HUWE1: variants seen among roughly 807,000 people sequenced by gnomAD.
HUWE1 encodes HECT, UBA and WWE domain containing E3 ubiquitin protein ligase 1.
In HUWE1, 18 loss-of-function variants were observed where a neutral mutation model predicts 299.4. That is an observed-to-expected ratio of 0.06 (90% CI 0.04 to 0.09). The LOEUF (loss-of-function observed/expected upper bound fraction) is 0.09. Ranked by LOEUF, HUWE1 falls within the 10% of genes least tolerant of loss-of-function variation. The pLI is 1.00. For missense variants in HUWE1, 1,832 were observed against 3,462.3 expected, an observed-to-expected ratio of 0.53 and a Z score of 11.82; for synonymous variants, 1,317 against 1,286.1, an observed-to-expected ratio of 1.02 and a Z score of -0.51.
rs2064586553 is a variant in HUWE1, at chrX:53,597,914, A to G, written c.3163+2204T>C. On this transcript the variant is annotated intron_variant, in intron 29 of 83. Transcript: ENST00000262854. ...CATCATTGTCACAGAAAAAGCCATC[A>G]AGCCTGAAATAAATTCCTGTTGGAG... Among the ~76,000 whole-genome samples the G allele has an allele frequency of 1.8e-5, 2 of 111,599 alleles. 1 individual carries two copies. Among genetic ancestry groups the G allele is most frequent in the African/African-American group, 6.6e-5 (2 of 30,481 alleles).
intron 21 of HUWE1, among the ~76,000 whole-genome samples, chrX:53,616,373 C>A (rs1232300375): frequency 1.8e-5 from 2 of 111,619 alleles, no homozygotes; most frequent in Non-Finnish European, 1.9e-5. Flanking sequence ...GCACTCTACT[C>A]TGGCAATCTT....
At chrX:53,578,461 T>C (rs868956248) in intron 43 of HUWE1, among the ~76,000 whole-genome samples, 7 of 76,055 alleles carry the variant, frequency 9.2e-5, no homozygotes, top group Non-Finnish European at 1.5e-4. Flanking sequence ...GCCCGGCCAG[T>C]CGCCCCGTCC....
At chrX:53,663,141 G>C (rs1397058476) in intron 3 of HUWE1, among the ~76,000 whole-genome samples, 1 of 112,425 alleles carries the variant, frequency 8.9e-6, no homozygotes, top group Non-Finnish European at 1.9e-5. Flanking sequence ...CAGTGGGATG[G>C]AGGGAATGGA....
At chrX:53,550,095 G>C (rs1290304461) in intron 66 of HUWE1, among the ~76,000 whole-genome samples, 3 of 111,056 alleles carry the variant, frequency 2.7e-5, no homozygotes, top group Non-Finnish European at 5.7e-5. Flanking sequence ...GGCTCAAACA[G>C]GTTAAGTGAC....
intron 73 of HUWE1, 73 bp from the exon 74 acceptor site, chrX:53,542,612 C>G: frequency 1.4e-6 from 1 of 694,098 alleles, no homozygotes; most frequent in Non-Finnish European, 2.3e-6. Context: ...AGAGGTTGGC[C>G]CTTCCACTTC....
chrX:53,645,548 C>A, intron 6 of HUWE1, 85 bp from the exon 7 acceptor site: 1 of 939,731 alleles, frequency 1.1e-6, no homozygotes, highest in Non-Finnish European at 1.5e-6. Context: ...TCAACATTTA[C>A]AAAGCTATCA....
chrX:53,659,539 G>A (rs1178616717), intron 3 of HUWE1, among the ~76,000 whole-genome samples: 2 of 111,951 alleles, frequency 1.8e-5, no homozygotes, highest in East Asian at 5.6e-4. Flanking sequence ...GAGGGTTAGT[G>A]GGGAGGGAAG....
chrX:53,538,722 A>ACTCTCTCTCTCT (rs879987418), intron 76 of HUWE1, 113 bp downstream of exon 76: 51 of 439,928 alleles, frequency 1.2e-4, no homozygotes, highest in Non-Finnish European at 9.2e-5. Context: ...ACACACACAC[A>ACTCTCTCTCTCT]CACTCTCTCT....
At chrX:53,537,453 G>A in intron 78 of HUWE1, 103 bp downstream of exon 78, 1 of 848,430 alleles carries the variant, frequency 1.2e-6, no homozygotes, top group Non-Finnish European at 1.7e-6. Flanking sequence ...TCCTATTAGG[G>A]AGGGCAGCAC....
chrX:53,566,855 A>G (rs1556946416), intron 49 of HUWE1, among the ~76,000 whole-genome samples: 1 of 111,332 alleles, frequency 9.0e-6, no homozygotes. Flanking sequence ...AATTACATCA[A>G]TGTAGACTGT....
Position 53,538,903 on chromosome X carries a change from C to G in HUWE1, c.11810G>C (p.Arg3937Pro). 1 of 1,206,579 alleles carries G rather than the reference C, an allele frequency of 8.3e-7. No individual in the cohort carries two copies. The highest frequency in any genetic ancestry group is 1.1e-6 in the Non-Finnish European group (1 of 892,720). ...GGAGATGTGCATAGATGAGGGCTCC[C>G]GGGAGAAGAATGGGTCAAGGGAGGA... is the stretch of plus-strand genomic sequence containing the variant. Reference protein sequence around the residue: ...TPSSLDPFFSREPSSMHISSS... With the variant: ...TPSSLDPFFSPEPSSMHISSS... Residue 3937 changes from arginine to proline, a missense_variant, in exon 76 of 84, where the codon CGG becomes CCG. Arg to Pro is a moderately radical substitution (Grantham distance 103, BLOSUM62 -2). This residue lies in a region of HUWE1 where 129 missense variants were observed against 439.4 expected (regional missense o/e 0.29). Transcript: ENST00000262854.
intron 3 of HUWE1, among the ~76,000 whole-genome samples, chrX:53,671,396 G>C (rs2069520949): frequency 8.9e-6 from 1 of 112,029 alleles, no homozygotes; most frequent in Admixed American, 9.5e-5. Flanking sequence ...TATGTTAGGA[G>C]GCATTACTTA....
At chrX:53,629,700 T>C in intron 12 of HUWE1, 84 bp from the exon 13 acceptor site, 1 of 580,277 alleles carries the variant, frequency 1.7e-6, no homozygotes, top group Non-Finnish European at 2.9e-6. Flanking sequence ...TATCTATAGG[T>C]TCTGGGGAAG....
intron 48 of HUWE1, 48 bp downstream of exon 48, chrX:53,569,568 T>A (rs781892141): frequency 1.8e-6 from 2 of 1,116,918 alleles, no homozygotes; most frequent in South Asian, 3.7e-5. Flanking sequence ...AGAAGAAGAA[T>A]AAGGGGATGT....
In HUWE1 at chrX:53,535,525, A is replaced by C. The variant is rs1556911835; in HGVS notation, c.12532-24T>G. On this transcript the variant is annotated intron_variant, in intron 80 of 83. Coordinates refer to ENST00000262854, the MANE Select transcript of HUWE1 (RefSeq NM_031407.7). ...ACCTAGAACAACCAAAACACCAATC[A>C]TACATATCAGACTTCATCTAGGATG... 4 of 995,597 alleles carry C rather than the reference A, an allele frequency of 4.0e-6. No homozygotes were observed. The South Asian group carries it at 7.6e-5, about 19-fold the overall frequency. The allele number at this position is 995,597 out of a possible 1,213,427, so 82.0% of individuals were successfully genotyped here. A position where few individuals can be genotyped will look rare whatever the true frequency, so the allele number is the denominator to read the frequency against.
rs2068196694 is a variant in HUWE1, at chrX:53,648,195, A to G, written c.144+17T>C. The G allele has an allele frequency of 2.8e-6, 3 of 1,086,849 alleles. No homozygotes were observed. The highest frequency in any genetic ancestry group is 3.7e-5 in the South Asian group (2 of 54,346). 89.6% of individuals were successfully genotyped at this position (1,086,849 alleles called of 1,213,427 possible). The stretch of plus-strand genomic sequence containing the variant: ...AGTATGGTGAGTCCTGTCTTTTGGG[A>G]GCTTGACTTCACATACCTTTCCAAT... On this transcript the variant is annotated intron_variant, in intron 5 of 83. Transcript: ENST00000262854.
In HUWE1 at chrX:53,647,508, T is replaced by C. The variant is rs1557036913; in HGVS notation, c.211A>G (p.Thr71Ala). ...FDGILADAGQ[T>A]VENMSWMLVC... ...AGCATCCATGACATATTCTCCACTG[T>C]CTGTCCAGCATCTGCCAGTATTCCA... The change falls in exon 6 of 84, where the codon ACA becomes GCA. Residue 71 changes from threonine (T) to alanine (A), a missense_variant. Physicochemically the swap from Thr to Ala is moderately conservative, Grantham distance 58. Transcript: ENST00000262854. 2 of 1,207,307 alleles carry C rather than the reference T, an allele frequency of 1.7e-6. No individual in the cohort carries two copies. Among genetic ancestry groups the C allele is most frequent in the African/African-American group, 1.8e-5 (1 of 57,127 alleles).
Position 53,533,852 on chromosome X carries a change from C to G in HUWE1, c.13022+155G>C, listed in dbSNP as rs1191219519. 1.3e-5 allele frequency: 7 copies of G among 541,746 alleles called. No homozygotes were observed. The East Asian group carries it at 2.1e-4, about 17-fold the overall frequency. The allele number at this position is 541,746 out of a possible 1,213,427, so 44.6% of individuals were successfully genotyped here. On this transcript the variant is annotated intron_variant, in intron 83 of 83. Transcript: ENST00000262854. Reference sequence around the variant, plus strand: ...CCACTGTGTCTAGCACATCTCATCTCAAACATCACCTCCATAGAAACACCA... The same window carrying G: ...CCACTGTGTCTAGCACATCTCATCTGAAACATCACCTCCATAGAAACACCA...
intron 22 of HUWE1, 96 bp downstream of exon 22, chrX:53,615,648 C>A: frequency 3.2e-6 from 2 of 617,691 alleles, no homozygotes; most frequent in Non-Finnish European, 2.7e-6. Context: ...ACAGCTATAG[C>A]CCAAGAATCC....
Sources: allele counts gnomAD v4.1 joint callset (sites outside exome capture counted in the v4.1 genomes callset), GRCh38; gene constraint gnomAD v4.1.1; regional missense constraint gnomAD v4.1.1; transcripts MANE v1.5; gene names NCBI Gene and HGNC (gene_info 2026-07-23, HGNC 2026-07-21).